Variants in ACOT11 observed in about 807,000 individuals in gnomAD.
The protein encoded by ACOT11 is acyl-coenzyme A thioesterase 11.
Under a neutral mutation model 77.5 loss-of-function variants are expected in ACOT11, and 69 were observed. That is an observed-to-expected ratio of 0.89 (90% CI 0.73 to 1.09). The LOEUF (loss-of-function observed/expected upper bound fraction) is 1.09. ACOT11 is among the 50% of genes least tolerant of loss of function. The probability of loss-of-function intolerance (pLI) is 0.00; values close to 1 mark genes in which losing one functional copy is unlikely to be tolerated. For synonymous variants in ACOT11, 279 were observed against 313.0 expected, an observed-to-expected ratio of 0.89 and a Z score of 1.15; for missense variants, 766 against 813.7, an observed-to-expected ratio of 0.94 and a Z score of 0.71.
At chr1:54,615,543 TAC>T (rs780271920) in intron 15 of ACOT11, among the ~76,000 whole-genome samples, 39 of 151,898 alleles carry the variant, frequency 2.6e-4, no homozygotes, top group African/African-American at 8.2e-4. Flanking sequence ...CCTGGAGAGA[TAC>T]AGTGTTGCTG....
chr1:54,627,247 C>T lies in ACOT11; in HGVS notation c.1630-3487C>T. On this transcript the variant is annotated intron_variant, in intron 15 of 16. Coordinates refer to the ACOT11 transcript ENST00000371316. The stretch of plus-strand genomic sequence containing the variant: ...ATGCCCATGCCCTGTCATTCCAACT[C>T]CGCGGGCCGTGTGTCACCTGTCCTC... 1.5e-5 allele frequency among the ~76,000 whole-genome samples: 2 copies of T among 134,784 alleles called. 1 individual carries two copies. The highest frequency in any genetic ancestry group is 3.4e-5 in the Non-Finnish European group (2 of 59,472). The allele number at this position is 134,784 out of a possible 152,430, so 88.4% of individuals were successfully genotyped here.
chr1:54,567,930 C>A (rs515189), intron 1 of ACOT11, among the ~76,000 whole-genome samples: 7,710 of 152,280 alleles, frequency 0.051, 236 homozygotes, highest in Middle Eastern at 0.14. Flanking sequence ...CCACCACCCT[C>A]CCCTACAGCC....
Position 54,599,287 on chromosome 1 carries a change from C to T in ACOT11, c.765-9C>T, listed in dbSNP as rs1184051599. Reference sequence around the variant, plus strand: ...CATTCCTTCTGTCTCCCCACCCCTGCCTCCTCAGCCGGCTCTGCCGTGCCC... The same window carrying T: ...CATTCCTTCTGTCTCCCCACCCCTGTCTCCTCAGCCGGCTCTGCCGTGCCC... On this transcript the variant is annotated splice_polypyrimidine_tract_variant and intron_variant, in intron 7 of 15. Coordinates refer to ENST00000343744, the MANE Select transcript of ACOT11 (RefSeq NM_147161.4). 2 of 1,532,636 alleles carry T rather than the reference C, an allele frequency of 1.3e-6. No individual in the cohort carries two copies. The highest frequency in any genetic ancestry group is 2.4e-5 in the East Asian group (1 of 41,904). The allele number at this position is 1,532,636 out of a possible 1,614,324, so 94.9% of individuals were successfully genotyped here.
chr1:54,608,049 AG>A lies in ACOT11; in HGVS notation c.1615del (p.Asp539ThrfsTer3). The stretch of plus-strand genomic sequence containing the variant: ...TGCTCAGGCTTCTGCCTCTGGCGCG[AG>A]GGGGACCAGCTGACCAAGGTGAGGC... ...TLCSGFCLWR[E>X]GDQLTKVSYY... On this transcript the variant is annotated frameshift_variant, in exon 15 of 16. Transcript: ENST00000343744. LOFTEE classifies it high-confidence loss of function. 6.2e-7 allele frequency: 1 copy of A among 1,611,246 alleles called. No individual in the cohort carries two copies.
chr1:54,548,288 C>T lies in ACOT11; in HGVS notation c.-22C>T. ...AGCTTGTGTCTCTGGGAGGGCGCTGCTTTCCCCGGCCACCCGGCGCGATGA... is the reference window on the plus strand; with the variant it reads ...AGCTTGTGTCTCTGGGAGGGCGCTGTTTTCCCCGGCCACCCGGCGCGATGA... On this transcript the variant is annotated 5_prime_UTR_variant, in exon 1 of 16. Transcript: ENST00000343744. 1.9e-6 allele frequency: 3 copies of T among 1,588,580 alleles called. No individual in the cohort carries two copies. Among genetic ancestry groups the T allele is most frequent in the Non-Finnish European group, 2.6e-6 (3 of 1,167,842 alleles).
intron 7 of ACOT11, 115 bp downstream of exon 7, chr1:54,597,530 C>A: frequency 7.8e-7 from 1 of 1,280,400 alleles, no homozygotes; most frequent in Non-Finnish European, 1.1e-6. Flanking sequence ...GCTTCAGAAG[C>A]TTGGCTGTTC....
At chr1:54,565,093 G>C (rs1653689038) in intron 1 of ACOT11, among the ~76,000 whole-genome samples, 1 of 152,138 alleles carries the variant, frequency 6.6e-6, no homozygotes, top group Non-Finnish European at 1.5e-5. Flanking sequence ...TGGCCTTTGA[G>C]TTTACTTGGT....
intron 16 of ACOT11, among the ~76,000 whole-genome samples, chr1:54,634,211 C>A (rs936935221): frequency 1.3e-5 from 2 of 152,214 alleles, no homozygotes; most frequent in Non-Finnish European, 2.9e-5. Flanking sequence ...TCTCGATAAT[C>A]ATTTTCCTAA....
At chr1:54,551,941 C>T (rs905968071) in intron 1 of ACOT11, among the ~76,000 whole-genome samples, 6 of 151,948 alleles carry the variant, frequency 3.9e-5, no homozygotes, top group Non-Finnish European at 8.8e-5. Flanking sequence ...TCCAACCACA[C>T]AATGCAATCC....
chr1:54,617,330 C>CT (rs1644183179), intron 15 of ACOT11, among the ~76,000 whole-genome samples: 1 of 152,060 alleles, frequency 6.6e-6, no homozygotes, highest in South Asian at 2.1e-4. Context: ...CAGAAGGGGC[C>CT]TTTTCTCCTG....
chr1:54,612,400 A>G (rs1234336885), downstream of ACOT11: 2 of 973,660 alleles, frequency 2.1e-6, no homozygotes, highest in East Asian at 5.0e-5. Flanking sequence ...AATGACCTTT[A>G]AGACCCTTCC....
At chr1:54,562,264 G>GA (rs1653537818) in intron 1 of ACOT11, among the ~76,000 whole-genome samples, 1 of 121,154 alleles carries the variant, frequency 8.3e-6, no homozygotes, top group Admixed American at 7.3e-5. Context: ...GGCCAGGCGG[G>GA]GGGCTGACCC....
chr1:54,620,035 C>A, intron 15 of ACOT11: 1 of 1,609,836 alleles, frequency 6.2e-7, no homozygotes, highest in Non-Finnish European at 8.5e-7. Flanking sequence ...GGGCTGTTAG[C>A]GTCTGTCCTC....
At position 54,609,550 on chromosome 1, in the gene ACOT11, C is replaced by T; in HGVS notation, c.*438C>T. 1 of 1,612,754 alleles carries T rather than the reference C, an allele frequency of 6.2e-7. No individual in the cohort carries two copies. Among genetic ancestry groups the T allele is most frequent in the Non-Finnish European group, 8.5e-7 (1 of 1,180,040 alleles). ...ACAACTCTAGCATATCTGTGAGCAGCTGTTCCCTGTAGCCACTGCCCAGCA... is the reference window on the plus strand; with the variant it reads ...ACAACTCTAGCATATCTGTGAGCAGTTGTTCCCTGTAGCCACTGCCCAGCA... On this transcript the variant is annotated 3_prime_UTR_variant, in exon 16 of 16. Transcript: ENST00000343744.
At chr1:54,634,762 ACT>A (rs1471759511) in exon 17 of ACOT11, 4 of 701,006 alleles carry the variant, frequency 5.7e-6, no homozygotes, top group Non-Finnish European at 7.8e-6. Flanking sequence ...CAAGGAAGAG[ACT>A]CTGGGAGGAT....
Position 54,607,012 on chromosome 1 carries a change from G to A in ACOT11, c.1371-122G>A. The A allele has an allele frequency of 7.2e-7, 1 of 1,395,972 alleles. No homozygotes were observed. The highest frequency in any genetic ancestry group is 9.8e-7 in the Non-Finnish European group (1 of 1,025,272). The allele number at this position is 1,395,972 out of a possible 1,614,324, so 86.5% of individuals were successfully genotyped here. A position where few individuals can be genotyped will look rare whatever the true frequency, so the allele number is the denominator to read the frequency against. On this transcript the variant is annotated intron_variant, in intron 13 of 15. Coordinates refer to ENST00000343744, the MANE Select transcript of ACOT11 (RefSeq NM_147161.4). This position sits in a 1 kb window ranked among gnomAD's most constrained non-coding sequence, Gnocchi z 4.5. The stretch of plus-strand genomic sequence containing the variant: ...CTGCTGGCCCTTGCTGAGCAGTACA[G>A]GGGGTGACATCCCATCACAGAAGCT...
intron 1 of ACOT11, among the ~76,000 whole-genome samples, chr1:54,563,209 A>G (rs967686352): frequency 5.9e-5 from 9 of 151,778 alleles, no homozygotes; most frequent in African/African-American, 2.2e-4. Flanking sequence ...CTGGTCTTGA[A>G]CTCCTGGCCT....
Position 54,574,396 on chromosome 1 carries a change from G to C in ACOT11, c.34-10259G>C, listed in dbSNP as rs187134419. 4.5e-3 allele frequency among the ~76,000 whole-genome samples: 684 copies of C among 152,256 alleles called. 6 individuals carry two copies. The highest frequency in any genetic ancestry group is 0.014 in the African/African-American group (592 of 41,536). ...TGTTCAGCGGCTGTCTCCCTATCTA[G>C]ACCTTGGCTCTGTGAGGGCGCGGCT... is the stretch of plus-strand genomic sequence containing the variant. On this transcript the variant is annotated intron_variant, in intron 1 of 15. Transcript: ENST00000343744.
At chr1:54,599,454 G>T (rs980533092) in intron 8 of ACOT11, 39 bp downstream of exon 8, 4 of 1,545,906 alleles carry the variant, frequency 2.6e-6, no homozygotes, top group Non-Finnish European at 1.8e-6. Flanking sequence ...TCCATTCAGG[G>T]CTGAGGGCTC....
Sources: gnomAD v4.1 joint callset for allele counts (sites outside exome capture counted in the v4.1 genomes callset) on GRCh38, gnomAD v4.1.1 for gene constraint, Gnocchi (gnomAD v3.1) non-coding constraint, MANE v1.5 for transcripts, NCBI Gene and HGNC (gene_info 2026-07-23, HGNC 2026-07-21) for gene names.